CDH18: variants seen among roughly 807,000 people sequenced by gnomAD.
CDH18 encodes the protein cadherin-18.
In CDH18, 31 loss-of-function variants were observed where a neutral mutation model predicts 67.9. The observed-to-expected ratio is 0.46, with a 90% CI of 0.34 to 0.62. CDH18 has a LOEUF of 0.62. Ranked by LOEUF, CDH18 falls within the 20% of genes least tolerant of loss-of-function variation. The probability of loss-of-function intolerance (pLI) is 0.01; values close to 1 mark genes in which losing one functional copy is unlikely to be tolerated. For synonymous variants in CDH18, 362 were observed against 347.2 expected (o/e 1.04, Z -0.48); for missense variants, 890 against 975.5 (o/e 0.91, Z 1.17).
chr5:20,279,725 A>AAC (rs1746091417), intron 1 of CDH18, among the ~76,000 whole-genome samples: 1 of 128,788 alleles, frequency 7.8e-6, no homozygotes, highest in Non-Finnish European at 1.6e-5. Context: ...AAAAAAAAAA[A>AAC]AAAGCAAAAA....
intron 3 of CDH18, among the ~76,000 whole-genome samples, chr5:19,774,341 G>C (rs1004386015): frequency 4.6e-5 from 7 of 151,598 alleles, no homozygotes; most frequent in Non-Finnish European, 7.4e-5. Flanking sequence ...TTGAGCCCTA[G>C]TGGTGGAGGC....
intron 2 of CDH18, among the ~76,000 whole-genome samples, chr5:20,228,855 T>G (rs190569012): frequency 6.6e-6 from 1 of 152,236 alleles, no homozygotes; most frequent in Admixed American, 6.5e-5. Flanking sequence ...ATATACCCAA[T>G]GGAATGCTAT....
At chr5:20,247,101 C>T (rs1743440160) in intron 2 of CDH18, among the ~76,000 whole-genome samples, 1 of 152,156 alleles carries the variant, frequency 6.6e-6, no homozygotes, top group Non-Finnish European at 1.5e-5. Flanking sequence ...GCCTTCCCAA[C>T]CATGCAGCCT....
At chr5:20,196,132 G>A (rs923080672) in intron 2 of CDH18, among the ~76,000 whole-genome samples, 1 of 152,042 alleles carries the variant, frequency 6.6e-6, no homozygotes. Flanking sequence ...AAGGCAGGGT[G>A]TTGTTTCTGC....
intron 2 of CDH18, among the ~76,000 whole-genome samples, chr5:19,973,963 T>C (rs1798263382): frequency 1.3e-5 from 2 of 152,148 alleles, no homozygotes; most frequent in Admixed American, 1.3e-4. Context: ...CATATGAATA[T>C]ATCAATGATT....
At chr5:19,797,011 G>C (rs992717289) in intron 3 of CDH18, among the ~76,000 whole-genome samples, 1 of 151,790 alleles carries the variant, frequency 6.6e-6, no homozygotes, top group Non-Finnish European at 1.5e-5. Flanking sequence ...GAAAACAAAT[G>C]TAAGATATAT....
chr5:20,336,724 C>CAAAAAAAAAAAAAAA lies in CDH18; in HGVS notation c.-579-81234_-579-81220dup, dbSNP rs59083214. The stretch of plus-strand genomic sequence containing the variant: ...GGCAACAGAGAGGGAGCCTCTGTCT[C>CAAAAAAAAAAAAAAA]AAAAAAAAAAAAAAAAAAAAAAAAA... On this transcript the variant is annotated intron_variant, in intron 1 of 14. Transcript: ENST00000507958. Among the ~76,000 whole-genome samples, 73 of 63,470 alleles carry CAAAAAAAAAAAAAAA rather than the reference C, an allele frequency of 1.2e-3. 3 individuals carry two copies. Among genetic ancestry groups the CAAAAAAAAAAAAAAA allele is most frequent in the South Asian group, 1.5e-3 (2 of 1,306 alleles). 41.6% of individuals were successfully genotyped at this position (63,470 alleles called of 152,430 possible).
chr5:19,822,687 A>C (rs1321576408), intron 3 of CDH18, among the ~76,000 whole-genome samples: 1 of 152,156 alleles, frequency 6.6e-6, no homozygotes, highest in Non-Finnish European at 1.5e-5. Flanking sequence ...AGGTAATAGA[A>C]TATCACAAGG....
chr5:20,448,233 C>CATT (rs1256060474), intron 1 of CDH18, among the ~76,000 whole-genome samples: 2 of 151,418 alleles, frequency 1.3e-5, no homozygotes, highest in Non-Finnish European at 2.9e-5. Flanking sequence ...ATGAATTCAT[C>CATT]ATTTTTTATG....
intron 5 of CDH18, among the ~76,000 whole-genome samples, chr5:19,684,415 GA>G (rs1760776074): frequency 6.6e-6 from 1 of 150,684 alleles, no homozygotes; most frequent in African/African-American, 2.4e-5. Flanking sequence ...AGAATTGAGG[GA>G]AAAAGAAAAT....
intron 2 of CDH18, among the ~76,000 whole-genome samples, chr5:20,094,263 C>T (rs1253597079): frequency 6.6e-6 from 1 of 152,086 alleles, no homozygotes; most frequent in African/African-American, 2.4e-5. Context: ...TAGAAAAAGG[C>T]AGTGGCTATA....
intron 2 of CDH18, among the ~76,000 whole-genome samples, chr5:20,097,436 T>C (rs1022322582): frequency 4.6e-5 from 7 of 152,090 alleles, no homozygotes; most frequent in African/African-American, 1.7e-4. Flanking sequence ...CCGTCAGATC[T>C]CATGAGACTT....
intron 1 of CDH18, among the ~76,000 whole-genome samples, chr5:20,398,731 C>G (rs112059072): frequency 0.01 from 1,526 of 150,866 alleles, 40 homozygotes; most frequent in African/African-American, 0.035. Context: ...AAAACCACCA[C>G]GGCACACGTA....
chr5:20,296,292 T>C (rs751083512), intron 1 of CDH18, among the ~76,000 whole-genome samples: 2 of 149,582 alleles, frequency 1.3e-5, no homozygotes, highest in Non-Finnish European at 3.0e-5. Flanking sequence ...CTCACTCTGT[T>C]GCCCAGGCTG....
chr5:20,275,164 G>A (rs557431537), intron 1 of CDH18, among the ~76,000 whole-genome samples: 6 of 151,914 alleles, frequency 3.9e-5, no homozygotes, highest in East Asian at 3.9e-4. Flanking sequence ...GATATGATTC[G>A]GCTTTGTGTC....
chr5:19,978,846 T>C (rs1798748631), intron 2 of CDH18, among the ~76,000 whole-genome samples: 1 of 152,164 alleles, frequency 6.6e-6, no homozygotes. Flanking sequence ...CCAGGATCAT[T>C]TCCCTACTTT....
chr5:19,595,691 A>G (rs1300777447), intron 6 of CDH18, among the ~76,000 whole-genome samples: 1 of 152,176 alleles, frequency 6.6e-6, no homozygotes, highest in East Asian at 1.9e-4. Flanking sequence ...GCATGTATAG[A>G]TACTAAGGGT....
At chr5:19,645,032 G>C (rs1425624728) in intron 5 of CDH18, among the ~76,000 whole-genome samples, 1 of 152,148 alleles carries the variant, frequency 6.6e-6, no homozygotes, top group African/African-American at 2.4e-5. Flanking sequence ...CAAAATAAGA[G>C]AATAGCAATG....
intron 2 of CDH18, among the ~76,000 whole-genome samples, chr5:20,137,934 A>T (rs1462726955): frequency 1.3e-5 from 2 of 152,146 alleles, no homozygotes; most frequent in South Asian, 4.1e-4. Context: ...AATCAATAGA[A>T]AAAGAGGGAA....
Sources: gnomAD v4.1 joint callset for allele counts (sites outside exome capture counted in the v4.1 genomes callset) on GRCh38, gnomAD v4.1.1 for gene constraint, MANE v1.5 for transcripts, NCBI Gene and HGNC (gene_info 2026-07-23, HGNC 2026-07-21) for gene names.